POLA2: variants seen among roughly 807,000 people sequenced by gnomAD.
POLA2 encodes the protein DNA polymerase alpha 2, accessory subunit, also known as DNA polymerase alpha subunit B.
POLA2 carries 47 observed loss-of-function variants against 82.8 expected under a neutral mutation model. That is an observed-to-expected ratio of 0.57 (90% confidence interval 0.45 to 0.72). POLA2 has a LOEUF of 0.72. Among genes scored for constraint, POLA2 ranks in the 30% least tolerant of loss-of-function variants. The pLI is 0.00. For missense variants in POLA2, 634 were observed against 728.1 expected, an observed-to-expected ratio of 0.87 and a Z score of 1.49; for synonymous variants, 287 against 286.8, an observed-to-expected ratio of 1.00 and a Z score of -0.01.
At chr11:65,266,130 C>T (rs1185391007) in intron 1 of POLA2, among the ~76,000 whole-genome samples, 23 of 152,126 alleles carry the variant, frequency 1.5e-4, no homozygotes, top group Admixed American at 1.5e-3. Context: ...GGCTCTTTTC[C>T]CCATCTCAGT....
intron 3 of POLA2, among the ~76,000 whole-genome samples, chr11:65,267,794 T>A (rs890134810): frequency 2.4e-5 from 3 of 124,680 alleles, no homozygotes; most frequent in East Asian, 2.0e-4. Flanking sequence ...AAAGTACAAA[T>A]TTTTTTTTTT....
At chr11:65,273,606 T>C (rs1210770017) in intron 4 of POLA2, among the ~76,000 whole-genome samples, 1 of 152,132 alleles carries the variant, frequency 6.6e-6, no homozygotes, top group Non-Finnish European at 1.5e-5. Flanking sequence ...ATTAGGAGAA[T>C]CTTTTGGAGG....
intron 13 of POLA2, 47 bp from the exon 14 acceptor site, chr11:65,294,106 C>T: frequency 1.3e-6 from 2 of 1,529,518 alleles, no homozygotes; most frequent in Non-Finnish European, 1.8e-6. Flanking sequence ...TCTAACTCAA[C>T]TGCACTCACT....
chr11:65,299,764 T>C (rs893431381), downstream of POLA2, among the ~76,000 whole-genome samples: 1 of 152,146 alleles, frequency 6.6e-6, no homozygotes, highest in Non-Finnish European at 1.5e-5. Flanking sequence ...CGATCTCGGC[T>C]CACTGCAACC....
In POLA2 at chr11:65,280,925, T is replaced by C. The variant is rs1949633219; in HGVS notation, c.745-67T>C. ...GCAGTTTGTTTTGCTATTCACCCTA[T>C]CGACTTCAGATTTTGAGCTCCTGCT... is the stretch of plus-strand genomic sequence containing the variant. On this transcript the variant is annotated intron_variant, in intron 7 of 17. Transcript: ENST00000265465. The C allele has an allele frequency of 1.8e-5, 27 of 1,520,770 alleles. No homozygotes were observed. The South Asian group carries it at 3.0e-4, about 17-fold the overall frequency. 94.2% of individuals were successfully genotyped at this position (1,520,770 alleles called of 1,614,324 possible).
At chr11:65,302,197 G>A (rs752028681), downstream of POLA2, among the ~76,000 whole-genome samples, 1 of 152,224 alleles carries the variant, frequency 6.6e-6, no homozygotes, top group Non-Finnish European at 1.5e-5. Flanking sequence ...CATCTTCTCT[G>A]CTCACTCCCA....
intron 15 of POLA2, 151 bp from the exon 16 acceptor site, chr11:65,295,389 G>A (rs1949799232): frequency 4.5e-6 from 3 of 668,344 alleles, no homozygotes; most frequent in East Asian, 2.8e-5. Flanking sequence ...CCTTGTGGGT[G>A]GGTCTTTAAA....
At chr11:65,273,330 A>G (rs1194037147) in intron 4 of POLA2, among the ~76,000 whole-genome samples, 1 of 152,170 alleles carries the variant, frequency 6.6e-6, no homozygotes, top group East Asian at 1.9e-4. Context: ...CAAAAACAAC[A>G]ACAACAAAAA....
At chr11:65,291,992 A>G (rs771047711) in intron 13 of POLA2, among the ~76,000 whole-genome samples, 1 of 152,246 alleles carries the variant, frequency 6.6e-6, no homozygotes, top group Non-Finnish European at 1.5e-5. Context: ...TAATCCCAGC[A>G]CTTTAGGAGA....
chr11:65,270,868 C>T (rs1949514223), intron 4 of POLA2, among the ~76,000 whole-genome samples: 1 of 152,204 alleles, frequency 6.6e-6, no homozygotes, highest in African/African-American at 2.4e-5. Flanking sequence ...TCACATCTCT[C>T]CCACTGGCTT....
chr11:65,281,192 C>T, intron 8 of POLA2, 45 bp downstream of exon 8: 1 of 1,591,914 alleles, frequency 6.3e-7, no homozygotes, highest in Non-Finnish European at 8.6e-7. Flanking sequence ...CACTCTTTAC[C>T]CCTGTAGTGT....
At chr11:65,282,666 C>T (rs1214929472) in intron 10 of POLA2, 145 bp downstream of exon 10, 8 of 713,792 alleles carry the variant, frequency 1.1e-5, no homozygotes, top group South Asian at 1.6e-5. Context: ...ATCATGAGTT[C>T]GTAGGTTTTT....
chr11:65,303,955 C>A (rs943277918), intron 8 of POLA2, among the ~76,000 whole-genome samples: 2 of 152,156 alleles, frequency 1.3e-5, no homozygotes, highest in African/African-American at 2.4e-5. Context: ...CACTCCAGCA[C>A]AGAAACCTGT....
intron 9 of POLA2, 115 bp downstream of exon 9, chr11:65,281,847 C>G: frequency 2.4e-6 from 2 of 849,680 alleles, no homozygotes; most frequent in Non-Finnish European, 4.0e-6. Flanking sequence ...TTAGTCAGTT[C>G]TCCATCTGTA....
At chr11:65,282,935 C>T (rs980034146) in intron 10 of POLA2, among the ~76,000 whole-genome samples, 1 of 152,056 alleles carries the variant, frequency 6.6e-6, no homozygotes, top group Non-Finnish European at 1.5e-5. Context: ...TGGAAACTAG[C>T]CTGGGCAACA....
Position 65,262,354 on chromosome 11 carries a change from A to G in POLA2, c.62A>G (p.Glu21Gly), listed in dbSNP as rs1348784373. Residue 21 changes from glutamate to glycine, a missense_variant, in exon 1 of 18, where the codon GAG (glutamate) becomes GGG (glycine). By Grantham distance (98) the Glu-to-Gly change is moderately conservative. Coordinates refer to ENST00000265465, the MANE Select transcript of POLA2 (RefSeq NM_002689.4). ...CAGATCTTCGGCCTAGACTGCGAGG[A>G]GGCTCTAATTGAGAAATGTGAGTCC... is the stretch of plus-strand genomic sequence containing the variant. ...ELQIFGLDCE[E>G]ALIEKLVELC... The G allele has an allele frequency of 3.1e-6, 5 of 1,613,498 alleles. No homozygotes were observed. Among genetic ancestry groups the G allele is most frequent in the Non-Finnish European group, 3.4e-6 (4 of 1,179,738 alleles).
At chr11:65,276,513 G>A (rs1047624213) in intron 5 of POLA2, among the ~76,000 whole-genome samples, 1 of 151,952 alleles carries the variant, frequency 6.6e-6, no homozygotes, top group African/African-American at 2.4e-5. Context: ...ACTCTGCCCT[G>A]ACTTAATTGG....
At chr11:65,268,389 T>C (rs1452613675) in intron 3 of POLA2, among the ~76,000 whole-genome samples, 1 of 151,626 alleles carries the variant, frequency 6.6e-6, no homozygotes, top group Non-Finnish European at 1.5e-5. Flanking sequence ...TCTCGCTGTG[T>C]CGCCCATGCT....
chr11:65,297,000 C>T, intron 17 of POLA2, 120 bp from the exon 18 acceptor site: 1 of 1,006,284 alleles, frequency 9.9e-7, no homozygotes, highest in Non-Finnish European at 1.5e-6. Flanking sequence ...ATTTGGTTGC[C>T]TTCGTTTCCA....
Sources: gnomAD v4.1 joint callset for allele counts (sites outside exome capture counted in the v4.1 genomes callset) on GRCh38, gnomAD v4.1.1 for gene constraint, MANE v1.5 for transcripts, NCBI Gene and HGNC (gene_info 2026-07-23, HGNC 2026-07-21) for gene names.